The following UQCRC2 variants were observed in gnomAD, a reference collection of about 807,000 sequenced individuals.
UQCRC2 encodes cytochrome b-c1 complex subunit 2, mitochondrial.
In UQCRC2, 49 loss-of-function variants were observed where a neutral mutation model predicts 55.6. The observed-to-expected ratio is 0.88, with a 90% CI of 0.70 to 1.12. UQCRC2 has a LOEUF of 1.12. Among genes scored for constraint, UQCRC2 ranks in the 50% most tolerant of loss-of-function variants. The probability of loss-of-function intolerance (pLI) is 0.00; values close to 1 mark genes in which losing one functional copy is unlikely to be tolerated. For synonymous variants in UQCRC2, 193 were observed against 192.0 expected, an observed-to-expected ratio of 1.01 and a Z score of -0.04; for missense variants, 506 against 547.8, an observed-to-expected ratio of 0.92 and a Z score of 0.76.
At chr16:21,971,351 A>G (rs1286979345) in intron 8 of UQCRC2, among the ~76,000 whole-genome samples, 174 bp from the exon 9 acceptor site, 1 of 152,240 alleles carries the variant, frequency 6.6e-6, no homozygotes, top group East Asian at 1.9e-4. Context: ...ATAGTTTAGT[A>G]ATAGTAAACT....
In UQCRC2 at chr16:21,981,527, G is replaced by T. The variant is rs180783179; in HGVS notation, c.1278+827G>T. Among the ~76,000 whole-genome samples the T allele has an allele frequency of 2.0e-5, 3 of 152,206 alleles. No homozygotes were observed. The East Asian group carries it at 5.8e-4, about 30-fold the overall frequency. On this transcript the variant is annotated intron_variant, in intron 13 of 13. Coordinates refer to ENST00000268379, the MANE Select transcript of UQCRC2 (RefSeq NM_003366.4). ...CCAGCACTTTGGAAGGCTGAGGTGG[G>T]CAGATTGCTTGAGCCCAGGAGTTCA... is the stretch of plus-strand genomic sequence containing the variant.
In UQCRC2 at chr16:21,971,531, G is replaced by C. The variant is rs1250772817; in HGVS notation, c.677G>C (p.Ser226Thr). The C allele has an allele frequency of 3.1e-6, 5 of 1,613,358 alleles. No homozygotes were observed. Among genetic ancestry groups the C allele is most frequent in the Non-Finnish European group, 4.2e-6 (5 of 1,179,544 alleles). The change falls in exon 9 of 14, where the codon AGT becomes ACT. Residue 226 changes from serine (S) to threonine (T), a missense_variant. Coordinates refer to ENST00000268379, the MANE Select transcript of UQCRC2 (RefSeq NM_003366.4). ...ARMALIGLGVSHPVLKQVAEQ... is the reference protein window; with the variant it reads ...ARMALIGLGVTHPVLKQVAEQ... Reference sequence around the variant, plus strand: ...TTTGCTTCTGTTGAAACAGGTGTGAGTCATCCTGTTCTAAAGCAAGTTGCT... The same window carrying C: ...TTTGCTTCTGTTGAAACAGGTGTGACTCATCCTGTTCTAAAGCAAGTTGCT...
rs537623202 is a variant in UQCRC2 at position 21,971,904 on chromosome 16, A to G, written c.767-19A>G. 4.9e-5 allele frequency: 79 copies of G among 1,612,956 alleles called. No homozygotes were observed. Among genetic ancestry groups the G allele is most frequent in the Non-Finnish European group, 6.1e-5 (72 of 1,180,008 alleles). The stretch of plus-strand genomic sequence containing the variant: ...AACAAGCCATTTTCTTCTTCCCTCT[A>G]TCCTTAATCTGGCCCCAGGTGAAAT... On this transcript the variant is annotated intron_variant, in intron 9 of 13. Coordinates refer to ENST00000268379, the MANE Select transcript of UQCRC2 (RefSeq NM_003366.4).
At chr16:21,968,770 C>T (rs1274849994) in intron 8 of UQCRC2, 85 bp downstream of exon 8, 9 of 1,276,068 alleles carry the variant, frequency 7.1e-6, no homozygotes, top group African/African-American at 3.1e-5. Context: ...TAGGATTGAA[C>T]AAAATTTGAA....
intron 8 of UQCRC2, 53 bp downstream of exon 8, chr16:21,968,738 T>A (rs1597960203): frequency 6.6e-7 from 1 of 1,514,872 alleles, no homozygotes; most frequent in East Asian, 2.3e-5. Flanking sequence ...GAGCAGTTCC[T>A]TAAACTGTAA....
chr16:21,966,610 C>G (rs145660094), intron 7 of UQCRC2, among the ~76,000 whole-genome samples: 1 of 152,298 alleles, frequency 6.6e-6, no homozygotes, highest in East Asian at 1.9e-4. Flanking sequence ...ATCCCTTGCT[C>G]TTTTTGACTT....
intron 7 of UQCRC2, 60 bp from the exon 8 acceptor site, chr16:21,968,567 GT>G: frequency 6.8e-7 from 1 of 1,462,912 alleles, no homozygotes; most frequent in Admixed American, 2.1e-5. Flanking sequence ...GTACTTTTAT[GT>G]TTTTACAGCT....
At chr16:21,966,170 A>G (rs762258030) in intron 7 of UQCRC2, among the ~76,000 whole-genome samples, 15 of 151,636 alleles carry the variant, frequency 9.9e-5, no homozygotes, top group African/African-American at 1.7e-4. Context: ...ATATATATAT[A>G]TGTGTGTGTG....
intron 10 of UQCRC2, 101 bp from the exon 11 acceptor site, chr16:21,973,795 T>TTATACCGTG (rs1898518377): frequency 2.0e-6 from 2 of 983,144 alleles, no homozygotes; most frequent in South Asian, 2.9e-5. Flanking sequence ...TCTATTTTGT[T>TTATACCGTG]TATACCGTGA....
Position 21,976,191 on chromosome 16 carries a change from G to C in UQCRC2, c.1072G>C (p.Val358Leu). The part of the protein sequence containing the change: ...GDVIKAAYNQ[V>L]KTIAQGNLSN... Reference sequence around the variant, plus strand: ...GGTTATCAAGGCTGCCTATAATCAAGTAAAAACAATAGCTCAAGGAAACCT... The same window carrying C: ...GGTTATCAAGGCTGCCTATAATCAACTAAAAACAATAGCTCAAGGAAACCT... Residue 358 changes from valine (V) to leucine (L), a missense_variant, in exon 12 of 14, where the codon GTA (valine) becomes CTA (leucine). By Grantham distance (32) the Val-to-Leu change is conservative. Coordinates refer to ENST00000268379, the MANE Select transcript of UQCRC2 (RefSeq NM_003366.4). 1 of 1,613,996 alleles carries C rather than the reference G, an allele frequency of 6.2e-7. No homozygotes were observed. Among genetic ancestry groups the C allele is most frequent in the Non-Finnish European group, 8.5e-7 (1 of 1,179,908 alleles).
chr16:21,958,188 T>C (rs1898123014), intron 3 of UQCRC2, among the ~76,000 whole-genome samples: 1 of 152,088 alleles, frequency 6.6e-6, no homozygotes, highest in Non-Finnish European at 1.5e-5. Context: ...TCCATATGAA[T>C]GTTGATGTTA....
intron 1 of UQCRC2, 91 bp from the exon 2 acceptor site, chr16:21,957,144 C>G (rs1447593062): frequency 8.0e-7 from 1 of 1,256,010 alleles, no homozygotes; most frequent in Non-Finnish European, 1.1e-6. Flanking sequence ...CCCGAACACC[C>G]TCTGTCGCTT....
At chr16:21,981,815 C>G (rs974514292) in intron 13 of UQCRC2, among the ~76,000 whole-genome samples, 4 of 151,508 alleles carry the variant, frequency 2.6e-5, no homozygotes, top group Non-Finnish European at 4.4e-5. Flanking sequence ...CTTGATTTCA[C>G]TTCGCCCCAA....
chr16:21,982,829 GTGATACATGCC>G (rs1226021772), intron 13 of UQCRC2, among the ~76,000 whole-genome samples: 1 of 152,110 alleles, frequency 6.6e-6, no homozygotes, highest in Non-Finnish European at 1.5e-5. Flanking sequence ...GCTGGGCATA[GTGATACATGCC>G]TGTAATCCCA....
At chr16:21,965,355 G>A in intron 6 of UQCRC2, 53 bp from the exon 7 acceptor site, 2 of 1,555,868 alleles carry the variant, frequency 1.3e-6, no homozygotes, top group Non-Finnish European at 1.8e-6. Flanking sequence ...TTTTAAAAAT[G>A]TTGTCTTTAC....
chr16:21,974,920 G>A (rs1274542576), intron 11 of UQCRC2, among the ~76,000 whole-genome samples: 4 of 152,172 alleles, frequency 2.6e-5, no homozygotes, highest in Non-Finnish European at 5.9e-5. Flanking sequence ...TTTGACAGAC[G>A]TGAGAGGAAA....
At chr16:21,957,209 G>A (rs917816960) in intron 1 of UQCRC2, 26 bp from the exon 2 acceptor site, 30 of 1,608,964 alleles carry the variant, frequency 1.9e-5, no homozygotes, top group Non-Finnish European at 2.4e-5. Context: ...TGAGAAATAC[G>A]TGTAACCTGT....
In UQCRC2 at chr16:21,983,160, G is replaced by GA; in HGVS notation, c.1352dup (p.Asp451GlufsTer2). ...AAATTTGGGACATACACCTTTTGTT[G>GA]ATGAGTTGTAATACTGATGCACACA... On this transcript the variant is annotated frameshift_variant, in exon 14 of 14. Coordinates refer to ENST00000268379, the MANE Select transcript of UQCRC2 (RefSeq NM_003366.4). LOFTEE classifies it high-confidence loss of function. The GA allele has an allele frequency of 2.5e-6, 4 of 1,614,004 alleles. No homozygotes were observed. The highest frequency in any genetic ancestry group is 3.4e-6 in the Non-Finnish European group (4 of 1,179,966).
chr16:21,967,762 C>G (rs1898361376), intron 7 of UQCRC2, among the ~76,000 whole-genome samples: 1 of 152,072 alleles, frequency 6.6e-6, no homozygotes, highest in Non-Finnish European at 1.5e-5. Flanking sequence ...TTTCGACACC[C>G]TGGTATAGAC....
Sources: allele counts gnomAD v4.1 joint callset (sites outside exome capture counted in the v4.1 genomes callset), GRCh38; gene constraint gnomAD v4.1.1; transcripts MANE v1.5; gene names NCBI Gene and HGNC (gene_info 2026-07-23, HGNC 2026-07-21).